Variants in TAOK3 observed in about 807,000 individuals in gnomAD.
TAOK3 encodes serine/threonine-protein kinase TAO3.
Under a neutral mutation model 120.4 loss-of-function variants are expected in TAOK3, and 40 were observed. The ratio of observed to expected loss-of-function variants is 0.33; its 90% confidence interval spans 0.26 to 0.43. TAOK3 has a LOEUF of 0.43. Ranked by LOEUF, TAOK3 falls within the 20% of genes least tolerant of loss-of-function variation. TAOK3 has a pLI of 1.00. For missense variants in TAOK3, 821 were observed against 1,112.1 expected (o/e 0.74, Z 3.72); for synonymous variants, 355 against 387.5 (o/e 0.92, Z 0.99).
chr12:118,198,808 C>G (rs936164788), intron 13 of TAOK3: 1 of 522,840 alleles, frequency 1.9e-6, no homozygotes, highest in Non-Finnish European at 3.5e-6. Flanking sequence ...TCAAATTCTT[C>G]AACTTATTTA....
At chr12:118,175,615 G>C (rs919076941) in intron 16 of TAOK3, among the ~76,000 whole-genome samples, 2 of 151,482 alleles carry the variant, frequency 1.3e-5, no homozygotes, top group African/African-American at 4.9e-5. Flanking sequence ...CAACAAGAGC[G>C]AAACTCCATC....
chr12:118,250,071 C>T (rs952178238), intron 3 of TAOK3, among the ~76,000 whole-genome samples: 2 of 151,920 alleles, frequency 1.3e-5, no homozygotes, highest in Admixed American at 6.6e-5. Flanking sequence ...GTTTGTTTTC[C>T]TTTAGTACAG....
intron 1 of TAOK3, among the ~76,000 whole-genome samples, chr12:118,354,573 C>T (rs2045314563): frequency 6.6e-6 from 1 of 151,874 alleles, no homozygotes; most frequent in South Asian, 2.1e-4. Flanking sequence ...TTGGCTATGT[C>T]CCCACCCAAA....
intron 1 of TAOK3, among the ~76,000 whole-genome samples, chr12:118,349,182 C>G (rs904122503): frequency 2.0e-5 from 3 of 152,130 alleles, no homozygotes; most frequent in Non-Finnish European, 4.4e-5. Context: ...TGAGCCACCG[C>G]GCTGGCTGAT....
intron 2 of TAOK3, among the ~76,000 whole-genome samples, chr12:118,264,470 C>T (rs1273833175): frequency 1.3e-5 from 2 of 152,036 alleles, no homozygotes; most frequent in Admixed American, 6.5e-5. Context: ...ATAGCACATA[C>T]TTTATGATTT....
chr12:118,368,262 T>A (rs1436426865), intron 1 of TAOK3, among the ~76,000 whole-genome samples: 7 of 152,078 alleles, frequency 4.6e-5, no homozygotes, highest in African/African-American at 1.7e-4. Flanking sequence ...GAGGGCGCTA[T>A]TTTGGATCAC....
chr12:118,335,016 T>A (rs1383356391), intron 1 of TAOK3, among the ~76,000 whole-genome samples: 1 of 151,450 alleles, frequency 6.6e-6, no homozygotes, highest in Non-Finnish European at 1.5e-5. Context: ...CCAACTCTAC[T>A]AAAAATACAA....
intron 9 of TAOK3, among the ~76,000 whole-genome samples, chr12:118,219,167 C>A (rs926651468): frequency 1.3e-5 from 2 of 152,100 alleles, no homozygotes; most frequent in African/African-American, 2.4e-5. Flanking sequence ...CTCAAAGAAC[C>A]AAGCTCGGTG....
At chr12:118,315,534 G>A (rs1351256279) in intron 1 of TAOK3, among the ~76,000 whole-genome samples, 1 of 152,110 alleles carries the variant, frequency 6.6e-6, no homozygotes, top group Non-Finnish European at 1.5e-5. Context: ...GAGAGTAGAT[G>A]GATTTGGGGT....
At chr12:118,363,650 A>C (rs1189469113) in intron 1 of TAOK3, among the ~76,000 whole-genome samples, 1 of 152,118 alleles carries the variant, frequency 6.6e-6, no homozygotes, top group Non-Finnish European at 1.5e-5. Context: ...ATACTACGTA[A>C]AAGAAATGGA....
At chr12:118,321,113 G>A (rs1288641496) in intron 1 of TAOK3, among the ~76,000 whole-genome samples, 1 of 152,072 alleles carries the variant, frequency 6.6e-6, no homozygotes, top group Admixed American at 6.5e-5. Flanking sequence ...TGCTTATAGT[G>A]GCTATATGTT....
chr12:118,214,161 G>T, intron 9 of TAOK3, 51 bp from the exon 10 acceptor site: 1 of 1,425,402 alleles, frequency 7.0e-7, no homozygotes, highest in Middle Eastern at 1.8e-4. Context: ...AAACCAGGCA[G>T]ACAGAGAAAT....
At chr12:118,281,933 A>G (rs561248697) in intron 1 of TAOK3, among the ~76,000 whole-genome samples, 1 of 152,342 alleles carries the variant, frequency 6.6e-6, no homozygotes, top group Non-Finnish European at 1.5e-5. Context: ...CTAATGTGAT[A>G]TAAAATATTT....
chr12:118,310,397 A>C (rs17440669), intron 1 of TAOK3, among the ~76,000 whole-genome samples: 15,585 of 152,282 alleles, frequency 0.1, 1,001 homozygotes, highest in Middle Eastern at 0.15. Context: ...AATGTGAAAT[A>C]TGTATGTCTT....
At chr12:118,241,538 T>C (rs2040251680) in intron 5 of TAOK3, among the ~76,000 whole-genome samples, 1 of 152,218 alleles carries the variant, frequency 6.6e-6, no homozygotes, top group African/African-American at 2.4e-5. Flanking sequence ...CTCAGCATTT[T>C]TGTCACAAAT....
At position 118,186,789 on chromosome 12, in the gene TAOK3, TG is replaced by T. The variant is rs1336598992; in HGVS notation, c.1329+3017del. On this transcript the variant is annotated intron_variant, in intron 14 of 20. Coordinates refer to ENST00000392533, the MANE Select transcript of TAOK3 (RefSeq NM_016281.4). ...GCTAAAGTTTTCTCAGGATTTCATC[TG>T]GTATCAAAGTTTATAGTCCTTCCTT... Among the ~76,000 whole-genome samples, 18 of 152,352 alleles carry T rather than the reference TG, an allele frequency of 1.2e-4. No homozygotes were observed. The South Asian group carries it at 3.5e-3, about 30-fold the overall frequency.
chr12:118,262,249 C>T (rs906058116), intron 2 of TAOK3, among the ~76,000 whole-genome samples: 2 of 151,770 alleles, frequency 1.3e-5, no homozygotes, highest in Admixed American at 1.3e-4. Context: ...TTTGGGTGGC[C>T]GAGGCAGGTG....
At chr12:118,340,991 A>ATTTTT (rs201372454) in intron 1 of TAOK3, among the ~76,000 whole-genome samples, 1 of 146,824 alleles carries the variant, frequency 6.8e-6, no homozygotes. Context: ...TAATATATCT[A>ATTTTT]ATTTTTTTTT....
intron 1 of TAOK3, among the ~76,000 whole-genome samples, chr12:118,279,766 T>C (rs34714414): frequency 6.8e-6 from 1 of 147,092 alleles, no homozygotes; most frequent in African/African-American, 2.6e-5. Flanking sequence ...GTTTTTATTG[T>C]TGTTTTTTTT....
Sources: gnomAD v4.1 joint callset for allele counts (sites outside exome capture counted in the v4.1 genomes callset) on GRCh38, gnomAD v4.1.1 for gene constraint, MANE v1.5 for transcripts, NCBI Gene and HGNC (gene_info 2026-07-23, HGNC 2026-07-21) for gene names.